Variants in MRPL3 observed in about 807,000 individuals in gnomAD.
The protein encoded by MRPL3 is large ribosomal subunit protein uL3m.
MRPL3 carries 43 observed loss-of-function variants against 44.3 expected under a neutral mutation model. That is an observed-to-expected ratio of 0.97 (90% CI 0.76 to 1.25). The LOEUF (loss-of-function observed/expected upper bound fraction) is 1.25. MRPL3 is among the 50% of genes most tolerant of loss of function. The pLI is 0.00. For missense variants in MRPL3, 406 were observed against 427.6 expected (o/e 0.95, Z 0.45); for synonymous variants, 171 against 152.3 (o/e 1.12, Z -0.91).
chr3:131,502,959 C>A lies in MRPL3; in HGVS notation c.-138G>T. 1.2e-6 allele frequency: 1 copy of A among 801,422 alleles called. No homozygotes were observed. The highest frequency in any genetic ancestry group is 2.1e-6 in the Non-Finnish European group (1 of 475,470). The allele number at this position is 801,422 out of a possible 1,614,324, so 49.6% of individuals were successfully genotyped here. Reference sequence around the variant, plus strand: ...AATGGCCGCCGGAACGGTCGCCGGCCGATGCTCTCTGCGACGGAAAGAAAG... The same window carrying A: ...AATGGCCGCCGGAACGGTCGCCGGCAGATGCTCTCTGCGACGGAAAGAAAG... On this transcript the variant is annotated 5_prime_UTR_variant, in exon 1 of 10. Coordinates refer to ENST00000264995, the MANE Select transcript of MRPL3 (RefSeq NM_007208.4).
intron 6 of MRPL3, among the ~76,000 whole-genome samples, chr3:131,484,461 C>T (rs1934067480): frequency 6.6e-6 from 1 of 152,160 alleles, no homozygotes; most frequent in Non-Finnish European, 1.5e-5. Flanking sequence ...ACTCCCTTAA[C>T]CATGGCACTG....
chr3:131,483,250 G>A (rs1934036477), intron 6 of MRPL3, among the ~76,000 whole-genome samples: 1 of 151,940 alleles, frequency 6.6e-6, no homozygotes, highest in African/African-American at 2.4e-5. Context: ...ATGTACCCAG[G>A]GTAGGGGCAG....
chr3:131,496,386 C>G (rs185884668), intron 4 of MRPL3, among the ~76,000 whole-genome samples: 2 of 152,190 alleles, frequency 1.3e-5, no homozygotes, highest in African/African-American at 2.4e-5. Context: ...TATGACAAAG[C>G]TTTAAAGAAA....
At chr3:131,502,029 A>G (rs1934510869) in intron 1 of MRPL3, 1 of 890,496 alleles carries the variant, frequency 1.1e-6, no homozygotes, top group South Asian at 1.7e-5. Context: ...AGTGTACCTT[A>G]ATAGTTTTAC....
intron 9 of MRPL3, among the ~76,000 whole-genome samples, chr3:131,464,199 A>G (rs1311948172): frequency 2.0e-5 from 3 of 152,170 alleles, no homozygotes; most frequent in Non-Finnish European, 2.9e-5. Flanking sequence ...AATCACAACA[A>G]AACTTTCTGT....
At chr3:131,473,425 GA>G (rs558723504) in intron 6 of MRPL3, among the ~76,000 whole-genome samples, 4,472 of 144,320 alleles carry the variant, frequency 0.031, 225 homozygotes, top group African/African-American at 0.1. Context: ...AAGACTTAAT[GA>G]AAAAAAAAAA....
At chr3:131,477,092 T>C (rs890435935) in intron 6 of MRPL3, among the ~76,000 whole-genome samples, 8 of 152,244 alleles carry the variant, frequency 5.3e-5, no homozygotes, top group African/African-American at 1.7e-4. Context: ...CTGTGACAAA[T>C]GCCTACCAAG....
At chr3:131,482,622 A>G (rs1247010755) in intron 6 of MRPL3, among the ~76,000 whole-genome samples, 1 of 152,196 alleles carries the variant, frequency 6.6e-6, no homozygotes, top group East Asian at 1.9e-4. Flanking sequence ...ACAACTGTAA[A>G]GTAGTAAGAT....
chr3:131,476,320 T>C (rs74467714), intron 6 of MRPL3, among the ~76,000 whole-genome samples: 10,004 of 152,174 alleles, frequency 0.066, 389 homozygotes, highest in African/African-American at 0.089. Context: ...AGTGTACCTG[T>C]TGATCCATGG....
Position 131,471,182 on chromosome 3 carries a change from C to T in MRPL3, c.727G>A (p.Val243Ile). The T allele has an allele frequency of 3.7e-6, 6 of 1,611,452 alleles. No homozygotes were observed. The highest frequency in any genetic ancestry group is 5.1e-6 in the Non-Finnish European group (6 of 1,178,048). The change falls in exon 7 of 10, where the codon GTT becomes ATT. Residue 243 changes from valine to isoleucine, a missense_variant. Val to Ile is a conservative substitution (Grantham distance 29). Coordinates refer to ENST00000264995, the MANE Select transcript of MRPL3 (RefSeq NM_007208.4). ...CTAGTTATACTCACACCAGTTGCAA[C>T]AGCTCCAGGTCTCCTGTGGGTTTTC... is the stretch of plus-strand genomic sequence containing the variant. ...QTKTHRRPGA[V>I]ATGDIGRVWP...
Position 131,465,110 on chromosome 3 carries a change from C to T in MRPL3, c.895-2235G>A, listed in dbSNP as rs530816100. Among the ~76,000 whole-genome samples the T allele has an allele frequency of 1.3e-4, 20 of 152,210 alleles. No individual in the cohort carries two copies. In the East Asian group the frequency reaches 1.5e-3, roughly 12 times the overall value. ...ATATTTCAAAGATTTTTTTAAAGGA[C>T]GTGTTTATTATACAAATATACTTGC... On this transcript the variant is annotated intron_variant, in intron 9 of 9. Transcript: ENST00000264995.
chr3:131,469,360 A>C (rs1456477586), intron 8 of MRPL3, among the ~76,000 whole-genome samples: 1 of 152,046 alleles, frequency 6.6e-6, no homozygotes, highest in East Asian at 1.9e-4. Flanking sequence ...TCTTTTACTC[A>C]ATAAAGAGTA....
chr3:131,490,231 T>C, intron 4 of MRPL3, 151 bp from the exon 5 acceptor site: 1 of 592,114 alleles, frequency 1.7e-6, no homozygotes, highest in Non-Finnish European at 3.0e-6. Flanking sequence ...ATTCCCCTTA[T>C]TTAAGGGAGG....
At chr3:131,498,526 C>A (rs1934420120) in intron 3 of MRPL3, among the ~76,000 whole-genome samples, 1 of 151,420 alleles carries the variant, frequency 6.6e-6, no homozygotes, top group African/African-American at 2.4e-5. Context: ...CACGGTGAAA[C>A]CCCATCTCTA....
chr3:131,499,652 GCCTAAGACTAAGC>G (rs1330610823), intron 3 of MRPL3, among the ~76,000 whole-genome samples: 2 of 152,040 alleles, frequency 1.3e-5, no homozygotes, highest in Non-Finnish European at 2.9e-5. Flanking sequence ...ATCATTACTT[GCCTAAGACTAAGC>G]CCCAAGATCA....
At chr3:131,497,417 G>A (rs1934394648) in intron 4 of MRPL3, among the ~76,000 whole-genome samples, 2 of 152,214 alleles carry the variant, frequency 1.3e-5, no homozygotes, top group South Asian at 2.1e-4. Context: ...AGTTTTGACA[G>A]TCAGAGAGTA....
intron 6 of MRPL3, among the ~76,000 whole-genome samples, chr3:131,477,276 C>T (rs978003618): frequency 4.6e-5 from 7 of 152,178 alleles, no homozygotes; most frequent in Non-Finnish European, 1.0e-4. Flanking sequence ...CCTCTGAGAA[C>T]TTCCTCTAAA....
intron 8 of MRPL3, 58 bp from the exon 9 acceptor site, chr3:131,468,226 C>T: frequency 2.0e-6 from 2 of 975,772 alleles, no homozygotes; most frequent in Non-Finnish European, 3.1e-6. Flanking sequence ...AACAATGTTA[C>T]TAAAAGCTGA....
chr3:131,473,593 G>A (rs1933787330), intron 6 of MRPL3, among the ~76,000 whole-genome samples: 1 of 151,784 alleles, frequency 6.6e-6, no homozygotes, highest in African/African-American at 2.4e-5. Context: ...ACAAAGCAAA[G>A]AGACAACCTA....
Sources: allele counts gnomAD v4.1 joint callset (sites outside exome capture counted in the v4.1 genomes callset), GRCh38; gene constraint gnomAD v4.1.1; transcripts MANE v1.5; gene names NCBI Gene and HGNC (gene_info 2026-07-23, HGNC 2026-07-21).